The following TPD52L1 variants were observed in gnomAD, a reference collection of about 807,000 sequenced individuals.
TPD52L1 encodes the protein TPD52 like 1, also known as tumor protein D53.
Under a neutral mutation model 28.7 loss-of-function variants are expected in TPD52L1, and 18 were observed. That is an observed-to-expected ratio of 0.63 (90% CI 0.43 to 0.93). The LOEUF is 0.93. Ranked by LOEUF, TPD52L1 falls within the 40% of genes least tolerant of loss-of-function variation. The pLI, the probability that TPD52L1 is intolerant of heterozygous loss-of-function variation, is 0.00. For missense variants in TPD52L1, 203 were observed against 254.8 expected (o/e 0.80, Z 1.39); for synonymous variants, 75 against 88.8 (o/e 0.84, Z 0.88).
At chr6:125,229,026 T>C (rs560047804) in intron 2 of TPD52L1, 92 bp from the exon 3 acceptor site, 1 of 1,379,438 alleles carries the variant, frequency 7.2e-7, no homozygotes, top group Non-Finnish European at 9.9e-7. Context: ...AATAGGAGGG[T>C]CAGAGGCTGC....
chr6:125,206,662 G>T (rs1794162496), intron 1 of TPD52L1, among the ~76,000 whole-genome samples: 1 of 152,186 alleles, frequency 6.6e-6, no homozygotes, highest in Admixed American at 6.5e-5. Flanking sequence ...CAGCTATGGA[G>T]GACTTTGAAT....
At chr6:125,196,025 T>C (rs931207266) in intron 1 of TPD52L1, among the ~76,000 whole-genome samples, 1 of 152,194 alleles carries the variant, frequency 6.6e-6, no homozygotes, top group Admixed American at 6.5e-5. Flanking sequence ...CATACTATAT[T>C]ATTTAAAATC....
chr6:125,176,648 C>A (rs2114804732), intron 1 of TPD52L1, among the ~76,000 whole-genome samples: 1 of 152,278 alleles, frequency 6.6e-6, no homozygotes, highest in African/African-American at 2.4e-5. Context: ...AAGAGCGTAT[C>A]CTTTCTGCAG....
intron 1 of TPD52L1, chr6:125,154,511 CT>C (rs1484960405): frequency 1.6e-5 from 16 of 984,072 alleles, no homozygotes; most frequent in Admixed American, 6.2e-5. Context: ...TACCGGCCCC[CT>C]GACCTCCAGC....
intron 1 of TPD52L1, chr6:125,208,802 TG>T: frequency 2.1e-6 from 1 of 479,018 alleles, no homozygotes; most frequent in Non-Finnish European, 2.7e-6. Context: ...TGCCTGAGAG[TG>T]GGCCAGGTGC....
intron 1 of TPD52L1, among the ~76,000 whole-genome samples, chr6:125,203,943 AAGGTG>A (rs1330475245): frequency 6.6e-6 from 1 of 152,230 alleles, no homozygotes; most frequent in African/African-American, 2.4e-5. Flanking sequence ...AACATAAATT[AAGGTG>A]GAGCTTAGAA....
At chr6:125,261,028 GAAAGAAAGAAAGAAAGAAA>G in intron 6 of TPD52L1, 1 of 108,718 alleles carries the variant, frequency 9.2e-6, no homozygotes, top group African/African-American at 4.1e-5. Flanking sequence ...GAAAAGAAAA[GAAAGAAAGAAAGAAAGAAA>G]GAAAAGGGGA....
At chr6:125,154,053 C>G in intron 1 of TPD52L1, 83 bp downstream of exon 1, 1 of 1,530,146 alleles carries the variant, frequency 6.5e-7, no homozygotes, top group South Asian at 1.2e-5. Context: ...ACTTCGCTCT[C>G]GGACAGAACA....
intron 1 of TPD52L1, chr6:125,209,005 A>G (rs914442763): frequency 4.3e-6 from 4 of 934,384 alleles, no homozygotes; most frequent in Middle Eastern, 5.5e-4. Context: ...GAGTCTCAAA[A>G]TCTTATCTCT....
Position 125,224,080 on chromosome 6 carries a change from CTTTA to C in TPD52L1, c.135+3888_135+3891del, listed in dbSNP as rs142114128. Among the ~76,000 whole-genome samples the C allele has an allele frequency of 3.6e-4, 54 of 151,590 alleles. No homozygotes were observed. In the East Asian group the frequency reaches 9.3e-3, roughly 26 times the overall value. On this transcript the variant is annotated intron_variant, in intron 2 of 6. Transcript: ENST00000534000. Reference sequence around the variant, plus strand: ...CTGTTTTTTTTTTCTCTCTCTCTCTCTTTAAGTACACTTGCCCAATAATTCTGTG... The same window carrying C: ...CTGTTTTTTTTTTCTCTCTCTCTCTCAGTACACTTGCCCAATAATTCTGTG...
intron 3 of TPD52L1, among the ~76,000 whole-genome samples, chr6:125,239,883 G>A (rs1404265318): frequency 1.3e-5 from 2 of 152,098 alleles, no homozygotes; most frequent in East Asian, 3.8e-4. Flanking sequence ...TGTGTTCTTG[G>A]TCATGAACTC....
chr6:125,172,059 CTCT>C (rs1251934927), intron 1 of TPD52L1, among the ~76,000 whole-genome samples: 1 of 138,058 alleles, frequency 7.2e-6, no homozygotes, highest in East Asian at 2.5e-4. Flanking sequence ...CACCTTCTTT[CTCT>C]TCTTTCTTTC....
chr6:125,253,885 G>A (rs746560112), intron 5 of TPD52L1, 130 bp downstream of exon 5: 2 of 917,740 alleles, frequency 2.2e-6, no homozygotes, highest in Admixed American at 1.7e-5. Context: ...CAAAAGAAAA[G>A]GCTGACAATT....
At position 125,220,104 on chromosome 6, in the gene TPD52L1, G is replaced by A; in HGVS notation, c.46G>A (p.Gly16Arg). Residue 16 changes from glycine to arginine, a missense_variant, in exon 2 of 7, where the codon GGA becomes AGA. Coordinates refer to ENST00000534000, the MANE Select transcript of TPD52L1 (RefSeq NM_003287.4). ...TTTGTTGGAGACTGAACCGTTGCAA[G>A]GAACAGACGAAGATGCAGTAGCCAG... is the stretch of plus-strand genomic sequence containing the variant. ...QGLLETEPLQ[G>R]TDEDAVASAD... The A allele has an allele frequency of 6.2e-7, 1 of 1,613,726 alleles. No homozygotes were observed. The highest frequency in any genetic ancestry group is 8.5e-7 in the Non-Finnish European group (1 of 1,179,706).
At chr6:125,154,025 C>T in intron 1 of TPD52L1, 55 bp downstream of exon 1, 2 of 1,570,274 alleles carry the variant, frequency 1.3e-6, no homozygotes, top group South Asian at 1.2e-5. Context: ...CATAAAGGCT[C>T]TTTTCCTGCA....
intron 5 of TPD52L1, among the ~76,000 whole-genome samples, chr6:125,255,692 T>G (rs1797554908): frequency 6.6e-6 from 1 of 152,152 alleles, no homozygotes; most frequent in African/African-American, 2.4e-5. Context: ...ATTCTATAGC[T>G]GTTCTCCTTT....
At chr6:125,182,905 G>A (rs1001438049) in intron 1 of TPD52L1, among the ~76,000 whole-genome samples, 1 of 152,184 alleles carries the variant, frequency 6.6e-6, no homozygotes, top group Non-Finnish European at 1.5e-5. Flanking sequence ...CACACACATA[G>A]ATGGTGGGGA....
intron 1 of TPD52L1, among the ~76,000 whole-genome samples, chr6:125,172,835 G>A (rs971334797): frequency 5.3e-5 from 8 of 151,384 alleles, no homozygotes; most frequent in African/African-American, 1.7e-4. Flanking sequence ...AAGCTATAAT[G>A]TTTTTGAAAG....
chr6:125,246,477 C>A (rs999699365), intron 3 of TPD52L1, among the ~76,000 whole-genome samples: 4 of 152,066 alleles, frequency 2.6e-5, no homozygotes, highest in African/African-American at 9.7e-5. Context: ...GCACATTAGC[C>A]CTGTCTCCTA....
Sources: gnomAD v4.1 joint callset for allele counts (sites outside exome capture counted in the v4.1 genomes callset) on GRCh38, gnomAD v4.1.1 for gene constraint, MANE v1.5 for transcripts, NCBI Gene and HGNC (gene_info 2026-07-23, HGNC 2026-07-21) for gene names.